Variants in LAMA1 observed in about 807,000 individuals in gnomAD.
LAMA1 encodes the protein laminin subunit alpha-1.
In LAMA1, 219 loss-of-function variants were observed where a neutral mutation model predicts 348.7. The observed-to-expected ratio is 0.63, with a 90% CI of 0.56 to 0.70. The LOEUF is 0.70. LAMA1 is among the 30% of genes least tolerant of loss of function. LAMA1 has a pLI of 0.00. For missense variants in LAMA1, 3,744 were observed against 3,888.0 expected (o/e 0.96, Z 0.99); for synonymous variants, 1,487 against 1,491.0 (o/e 1.00, Z 0.06).
chr18:6,977,721 A>T lies in LAMA1; in HGVS notation c.6345+6T>A. 1 of 1,613,986 alleles carries T rather than the reference A, an allele frequency of 6.2e-7. No individual in the cohort carries two copies. On this transcript the variant is annotated splice_donor_region_variant and intron_variant, in intron 44 of 62. Coordinates refer to ENST00000389658, the MANE Select transcript of LAMA1 (RefSeq NM_005559.4). ...AGTTACGAAAGCCACGGGGCCCCAA[A>T]CTCACAGAAGCTGCTTGTTTGCGGG...
At chr18:6,969,526 T>C (rs2057648865) in intron 48 of LAMA1, among the ~76,000 whole-genome samples, 1 of 152,210 alleles carries the variant, frequency 6.6e-6, no homozygotes, top group Non-Finnish European at 1.5e-5. Flanking sequence ...CAGTACACAA[T>C]ACCTATTAAT....
intron 3 of LAMA1, among the ~76,000 whole-genome samples, chr18:7,052,073 T>C (rs967732058): frequency 1.3e-5 from 2 of 152,032 alleles, no homozygotes; most frequent in Non-Finnish European, 1.5e-5. Context: ...ATGCAGACCA[T>C]GGAATATTAT....
At chr18:7,025,345 T>A (rs1281805514) in intron 17 of LAMA1, among the ~76,000 whole-genome samples, 5 of 152,096 alleles carry the variant, frequency 3.3e-5, no homozygotes, top group Non-Finnish European at 7.4e-5. Flanking sequence ...TGAAACTCCT[T>A]CTCCTGCAAA....
chr18:6,981,529 A>C (rs1022426184), intron 41 of LAMA1, among the ~76,000 whole-genome samples: 2 of 152,226 alleles, frequency 1.3e-5, no homozygotes, highest in African/African-American at 4.8e-5. Context: ...CACATGGTTA[A>C]AACGTGAAAT....
chr18:7,117,778 G>T lies in LAMA1; in HGVS notation c.-58C>A. On this transcript the variant is annotated 5_prime_UTR_variant, in exon 1 of 63. Transcript: ENST00000389658. ...AGAAAGCCGCGCGCCCGCCTGGAAC[G>T]CTCCACGGGACGCGAGTCCGCGCTG... The T allele has an allele frequency of 6.7e-7, 1 of 1,501,664 alleles. No homozygotes were observed. Among genetic ancestry groups the T allele is most frequent in the Non-Finnish European group, 9.0e-7 (1 of 1,108,254 alleles). 93.0% of individuals were successfully genotyped at this position (1,501,664 alleles called of 1,614,324 possible).
intron 26 of LAMA1, 78 bp downstream of exon 26, chr18:7,010,122 A>T: frequency 1.3e-6 from 2 of 1,531,904 alleles, no homozygotes; most frequent in Non-Finnish European, 1.8e-6. Context: ...TTCTCTTATT[A>T]ATGGCTTTCA....
intron 42 of LAMA1, among the ~76,000 whole-genome samples, chr18:6,979,867 C>A (rs986079737): frequency 2.0e-5 from 3 of 152,180 alleles, no homozygotes; most frequent in Admixed American, 6.5e-5. Context: ...CCACTGCACT[C>A]CAGCCTGGGC....
chr18:7,050,813 A>G lies in LAMA1; in HGVS notation c.469T>C (p.Ser157Pro). Reference sequence around the variant, plus strand: ...ATATTGTAACGAGACAAACACTCTGAGTCGCTGACTGCATAATACTGCCAG... The same window carrying G: ...ATATTGTAACGAGACAAACACTCTGGGTCGCTGACTGCATAATACTGCCAG... ...SPWQYYAVSD[S>P]ECLSRYNITP... is the part of the protein sequence containing the mutation. Residue 157 changes from serine to proline, a missense_variant, in exon 4 of 63, where the codon TCA (serine) becomes CCA (proline). Transcript: ENST00000389658. The G allele has an allele frequency of 6.2e-7, 1 of 1,614,210 alleles. No homozygotes were observed. Among genetic ancestry groups the G allele is most frequent in the South Asian group, 1.1e-5 (1 of 91,076 alleles).
intron 30 of LAMA1, among the ~76,000 whole-genome samples, chr18:7,001,416 A>G (rs1350814073): frequency 6.6e-6 from 1 of 152,188 alleles, no homozygotes; most frequent in Non-Finnish European, 1.5e-5. Context: ...AGTGGAATTG[A>G]CAAGTCAAAA....
At chr18:7,087,576 T>C (rs369350775) in intron 1 of LAMA1, among the ~76,000 whole-genome samples, 4 of 152,230 alleles carry the variant, frequency 2.6e-5, no homozygotes, top group Non-Finnish European at 4.4e-5. Context: ...ATATAGCATA[T>C]TGAGTGTCTA....
At chr18:7,115,616 A>G (rs1202799742) in intron 1 of LAMA1, among the ~76,000 whole-genome samples, 1 of 151,810 alleles carries the variant, frequency 6.6e-6, no homozygotes, top group Non-Finnish European at 1.5e-5. Context: ...ATTGACCAAA[A>G]CACACAACTT....
At chr18:7,100,761 G>A (rs1443962700) in intron 1 of LAMA1, among the ~76,000 whole-genome samples, 1 of 152,198 alleles carries the variant, frequency 6.6e-6, no homozygotes, top group East Asian at 1.9e-4. Context: ...TGTAATCCCA[G>A]CACTTTGGGG....
intron 36 of LAMA1, among the ~76,000 whole-genome samples, chr18:6,988,301 T>C (rs932533771): frequency 6.6e-6 from 1 of 152,200 alleles, no homozygotes; most frequent in Non-Finnish European, 1.5e-5. Context: ...AACTGGTGTT[T>C]CTCAAACTAT....
At chr18:6,951,929 A>G in intron 57 of LAMA1, among the ~76,000 whole-genome samples, 1 of 152,180 alleles carries the variant, frequency 6.6e-6, no homozygotes, top group East Asian at 1.9e-4. Flanking sequence ...GACTGAGGGA[A>G]GCCTGCGAAT....
chr18:7,052,168 T>A (rs2058064574), intron 3 of LAMA1, among the ~76,000 whole-genome samples: 1 of 152,154 alleles, frequency 6.6e-6, no homozygotes, highest in Non-Finnish European at 1.5e-5. Flanking sequence ...GTGGTTCATG[T>A]CTGTAATCCC....
At chr18:7,116,326 G>C (rs1406794269) in intron 1 of LAMA1, among the ~76,000 whole-genome samples, 1 of 152,200 alleles carries the variant, frequency 6.6e-6, no homozygotes, top group Non-Finnish European at 1.5e-5. Flanking sequence ...ATAGACAGGA[G>C]TCCCCTCGCA....
intron 16 of LAMA1, among the ~76,000 whole-genome samples, chr18:7,026,604 G>A (rs1469748882): frequency 1.3e-5 from 2 of 152,200 alleles, no homozygotes; most frequent in African/African-American, 4.8e-5. Context: ...CATTGGCAGT[G>A]CTCTGAGAGA....
At chr18:7,087,233 A>C (rs776411513) in intron 1 of LAMA1, among the ~76,000 whole-genome samples, 1 of 152,228 alleles carries the variant, frequency 6.6e-6, no homozygotes, top group Non-Finnish European at 1.5e-5. Context: ...ATCAAAGTTC[A>C]TCAAGTCTTT....
chr18:7,013,833 G>T lies in LAMA1; in HGVS notation c.3345C>A (p.Thr1115=). 3 of 1,611,246 alleles carry T rather than the reference G, an allele frequency of 1.9e-6. No homozygotes were observed. The highest frequency in any genetic ancestry group is 2.2e-5 in the South Asian group (2 of 90,462). The change falls in exon 23 of 63, where the codon ACC becomes ACA. Residue 1115 remains threonine, a synonymous_variant. Coordinates refer to ENST00000389658, the MANE Select transcript of LAMA1 (RefSeq NM_005559.4). ...EQGLCGCVEE[T]GACPCKENVF... is the part of the protein sequence containing the mutation. The stretch of plus-strand genomic sequence containing the variant: ...TAAATACCTTGCAAGGGCAGGCCCC[G>T]GTTTCCTCCACACAGCCGCAGAGAC...
Sources: gnomAD v4.1 joint callset for allele counts (sites outside exome capture counted in the v4.1 genomes callset) on GRCh38, gnomAD v4.1.1 for gene constraint, MANE v1.5 for transcripts, NCBI Gene and HGNC (gene_info 2026-07-23, HGNC 2026-07-21) for gene names.